The following SFR1 variants were observed in gnomAD, a reference collection of about 807,000 sequenced individuals.
SFR1 encodes swi5-dependent recombination DNA repair protein 1 homolog.
In SFR1, 24 loss-of-function variants were observed where a neutral mutation model predicts 26.2. The observed-to-expected ratio is 0.92, with a 90% CI of 0.66 to 1.29. The LOEUF (loss-of-function observed/expected upper bound fraction) is 1.29. SFR1 is among the 50% of genes most tolerant of loss of function. The pLI is 0.00. For missense variants in SFR1, 276 were observed against 270.2 expected (o/e 1.02, Z -0.15); for synonymous variants, 77 against 96.6 (o/e 0.80, Z 1.19).
At chr10:104,122,258 GA>G in intron 1 of SFR1, 62 bp downstream of exon 1, 2 of 1,489,856 alleles carry the variant, frequency 1.3e-6, no homozygotes, top group Non-Finnish European at 9.0e-7. Context: ...GTCGGCTGTG[GA>G]GTCGAGTTGA....
rs755980178 is a variant in SFR1, at chr10:104,122,994, G to A, written c.43G>A (p.Glu15Lys). 2.5e-6 allele frequency: 4 copies of A among 1,613,630 alleles called. No individual in the cohort carries two copies. The highest frequency in any genetic ancestry group is 3.4e-6 in the Non-Finnish European group (4 of 1,179,888). ...AAACCAAGATTTCACTTTCAAGATG[G>A]AAAGTCCGTCAGACTCAGCTGTGGT... ...EKNQDFTFKM[E>K]SPSDSAVVLP... Residue 15 changes from glutamate (E) to lysine (K), a missense_variant, in exon 2 of 4, where the codon GAA becomes AAA. Glu to Lys is a moderately conservative substitution (Grantham distance 56). Transcript: ENST00000369727.
At position 104,122,997 on chromosome 10, in the gene SFR1, A is replaced by G. The variant is rs748984750; in HGVS notation, c.46A>G (p.Ser16Gly). The G allele has an allele frequency of 1.9e-6, 3 of 1,613,926 alleles. No individual in the cohort carries two copies. Among genetic ancestry groups the G allele is most frequent in the East Asian group, 2.2e-5 (1 of 44,874 alleles). The change falls in exon 2 of 4, where the codon AGT becomes GGT. Residue 16 changes from serine (S) to glycine (G), a missense_variant. Ser to Gly is a moderately conservative substitution (Grantham distance 56). Coordinates refer to ENST00000369727, the MANE Select transcript of SFR1 (RefSeq NM_001002759.2). ...CCAAGATTTCACTTTCAAGATGGAA[A>G]GTCCGTCAGACTCAGCTGTGGTTTT... ...KNQDFTFKME[S>G]PSDSAVVLPS...
At chr10:104,121,044 CA>C (rs1427912282), upstream of SFR1, among the ~76,000 whole-genome samples, 1 of 152,050 alleles carries the variant, frequency 6.6e-6, no homozygotes, top group African/African-American at 2.4e-5. Flanking sequence ...CCCAGTGCTC[CA>C]CCCAATGTAG....
chr10:104,121,858 G>A (rs967572658), upstream of SFR1, among the ~76,000 whole-genome samples: 1 of 152,176 alleles, frequency 6.6e-6, no homozygotes, highest in Non-Finnish European at 1.5e-5. Flanking sequence ...AGCCTCGCCC[G>A]CCCCGAAGAC....
At chr10:104,125,445 T>G in intron 3 of SFR1, 68 bp from the exon 4 acceptor site, 1 of 1,291,196 alleles carries the variant, frequency 7.7e-7, no homozygotes, top group Non-Finnish European at 1.1e-6. Flanking sequence ...TCCACTAATT[T>G]AACAACTTTA....
Position 104,123,777 on chromosome 10 carries a change from A to G in SFR1, c.199A>G (p.Asn67Asp), listed in dbSNP as rs1322328148. 1 of 1,610,528 alleles carries G rather than the reference A, an allele frequency of 6.2e-7. No homozygotes were observed. The highest frequency in any genetic ancestry group is 1.7e-5 in the Admixed American group (1 of 59,322). The change falls in exon 3 of 4, where the codon AAT becomes GAT. Residue 67 changes from asparagine (N) to aspartate (D), a missense_variant. Transcript: ENST00000369727. ...AAGATTTTCATTTAATTCCTCTTAC[A>G]ATGTGGTGAAACGTCTTAAAGTAGA... is the stretch of plus-strand genomic sequence containing the variant. ...KTRFSFNSSY[N>D]VVKRLKVESE...
intron 3 of SFR1, 63 bp from the exon 4 acceptor site, chr10:104,125,450 A>G (rs1392846119): frequency 1.5e-6 from 2 of 1,345,976 alleles, no homozygotes; most frequent in Non-Finnish European, 1.0e-6. Context: ...TAATTTAACA[A>G]CTTTAATTAA....
In SFR1 at chr10:104,123,023, A is replaced by AC. The variant is rs1386442564; in HGVS notation, c.74dup (p.Ser26Ter). ...GTCCGTCAGACTCAGCTGTGGTTTT[A>AC]CCTAGCACTCCTCAGGCCTCTGCGA... On this transcript the variant is annotated frameshift_variant, in exon 2 of 4. Transcript: ENST00000369727. LOFTEE classifies it high-confidence loss of function. 1 of 1,613,604 alleles carries AC rather than the reference A, an allele frequency of 6.2e-7. No individual in the cohort carries two copies. The highest frequency in any genetic ancestry group is 8.5e-7 in the Non-Finnish European group (1 of 1,179,906).
chr10:104,122,201 C>A lies in SFR1; in HGVS notation c.13+5C>A. On this transcript the variant is annotated splice_donor_5th_base_variant and intron_variant, in intron 1 of 3. Transcript: ENST00000369727. ...CGCTGGGAATGGCGGAGGGAGGTAC[C>A]CTGCTGAGGGGAAGGGGGGATCCCT... 2 of 1,543,406 alleles carry A rather than the reference C, an allele frequency of 1.3e-6. No individual in the cohort carries two copies. Among genetic ancestry groups the A allele is most frequent in the East Asian group, 2.5e-5 (1 of 40,024 alleles).
chr10:104,122,519 G>T (rs1041254053), intron 1 of SFR1: 3 of 985,298 alleles, frequency 3.0e-6, no homozygotes, highest in Non-Finnish European at 3.6e-6. Flanking sequence ...GCCTCGGGCC[G>T]GCAGGGTAAC....
chr10:104,121,057 T>A (rs1045819611), upstream of SFR1, among the ~76,000 whole-genome samples: 5 of 151,720 alleles, frequency 3.3e-5, no homozygotes, highest in Admixed American at 6.6e-5. Context: ...CCAATGTAGC[T>A]AACTTTGTCG....
At position 104,126,271 on chromosome 10, in the gene SFR1, C is replaced by G. The variant is rs1022827563; in HGVS notation, c.*567C>G. The stretch of plus-strand genomic sequence containing the variant: ...TTGTCCAATCTGGTGAATGTCTAAC[C>G]CTAAAGTTTAAAAATTTCTGCCTCC... On this transcript the variant is annotated 3_prime_UTR_variant, in exon 4 of 4. Coordinates refer to ENST00000369727, the MANE Select transcript of SFR1 (RefSeq NM_001002759.2). 3.9e-5 allele frequency: 6 copies of G among 152,436 alleles called. No individual in the cohort carries two copies. Among genetic ancestry groups the G allele is most frequent in the African/African-American group, 1.2e-4 (5 of 41,384 alleles). 9.4% of individuals were successfully genotyped at this position (152,436 alleles called of 1,614,324 possible).
chr10:104,125,697 A>T lies in SFR1; in HGVS notation c.731A>T (p.Asp244Val). 6.3e-7 allele frequency: 1 copy of T among 1,577,152 alleles called. No homozygotes were observed. Residue 244 changes from aspartate to valine, a missense_variant, in exon 4 of 4, where the codon GAT becomes GTT. Coordinates refer to ENST00000369727, the MANE Select transcript of SFR1 (RefSeq NM_001002759.2). The part of the protein sequence containing the change: ...HYNRSEEEFI[D>V]V Reference sequence around the variant, plus strand: ...AACAGAAGTGAAGAAGAATTTATAGATGTTTAATTCCTGATTTTTGCTCCA... The same window carrying T: ...AACAGAAGTGAAGAAGAATTTATAGTTGTTTAATTCCTGATTTTTGCTCCA...
intron 3 of SFR1, among the ~76,000 whole-genome samples, chr10:104,124,552 A>AATATAT (rs60412949): frequency 2.0e-5 from 3 of 147,742 alleles, no homozygotes; most frequent in Non-Finnish European, 4.5e-5. Context: ...TATTTGAGAA[A>AATATAT]ATATATATAT....
upstream of SFR1, among the ~76,000 whole-genome samples, chr10:104,120,274 T>C (rs1369382342): frequency 6.6e-6 from 1 of 152,176 alleles, no homozygotes; most frequent in Non-Finnish European, 1.5e-5. Context: ...AATGGATGAG[T>C]AAAGGGAGAA....
intron 1 of SFR1, chr10:104,122,751 G>A (rs1336184884): frequency 4.1e-6 from 6 of 1,467,166 alleles, no homozygotes; most frequent in East Asian, 2.6e-5. Context: ...TGAGATACTA[G>A]CTGGTTGATG....
Position 104,122,195 on chromosome 10 carries a change from A to C in SFR1, c.12A>C (p.Gly4=). The C allele has an allele frequency of 6.5e-7, 1 of 1,545,196 alleles. No individual in the cohort carries two copies. MAE[G]EKNQDFTFKM... The stretch of plus-strand genomic sequence containing the variant: ...TGCTCTCGCTGGGAATGGCGGAGGG[A>C]GGTACCCTGCTGAGGGGAAGGGGGG... Residue 4 remains glycine (G), a splice_region_variant and synonymous_variant, in exon 1 of 4, where the codon GGA becomes GGC. Coordinates refer to ENST00000369727, the MANE Select transcript of SFR1 (RefSeq NM_001002759.2).
At position 104,124,103 on chromosome 10, in the gene SFR1, A is replaced by C. The variant is rs755495508; in HGVS notation, c.525A>C (p.Leu175=). 5 of 1,608,458 alleles carry C rather than the reference A, an allele frequency of 3.1e-6. No individual in the cohort carries two copies. In the South Asian group the frequency reaches 3.3e-5, roughly 11 times the overall value. ...AAGACCTTCTTCGGAGGCTAAAACTAGTCAAAATGTATAGATCAAAGGTGA... is the reference window on the plus strand; with the variant it reads ...AAGACCTTCTTCGGAGGCTAAAACTCGTCAAAATGTATAGATCAAAGGTGA... ...EKEDLLRRLK[L]VKMYRSKNDL... Residue 175 remains leucine (L), a synonymous_variant, in exon 3 of 4, where the codon CTA becomes CTC. Coordinates refer to ENST00000369727, the MANE Select transcript of SFR1 (RefSeq NM_001002759.2).
intron 3 of SFR1, 120 bp downstream of exon 3, chr10:104,124,244 C>A: frequency 1.1e-6 from 1 of 900,848 alleles, no homozygotes; most frequent in Non-Finnish European, 1.6e-6. Context: ...TATTCAGAAA[C>A]CTGGCTTCCA....
Sources: gnomAD v4.1 joint callset for allele counts (sites outside exome capture counted in the v4.1 genomes callset) on GRCh38, gnomAD v4.1.1 for gene constraint, MANE v1.5 for transcripts, NCBI Gene and HGNC (gene_info 2026-07-23, HGNC 2026-07-21) for gene names.